Variants in TENM3 observed in about 807,000 individuals in gnomAD.
The protein encoded by TENM3 is teneurin-3.
A neutral mutation model predicts 255.1 loss-of-function variants in TENM3; 63 were observed. The observed-to-expected ratio is 0.25, with a 90% CI of 0.20 to 0.30. The LOEUF (loss-of-function observed/expected upper bound fraction) is 0.30. Among genes scored for constraint, TENM3 ranks in the 10% least tolerant of loss-of-function variants. TENM3 has a pLI of 1.00. For missense variants in TENM3, 2,929 were observed against 3,461.1 expected (o/e 0.85, Z 3.86); for synonymous variants, 1,306 against 1,322.3 (o/e 0.99, Z 0.27).
chr4:181,576,409 C>T, the TENM3 span, among the ~76,000 whole-genome samples: 1 of 152,142 alleles, frequency 6.6e-6, no homozygotes, highest in African/African-American at 2.4e-5. Flanking sequence ...TGTCTTTTTG[C>T]TCTAATGATT....
intron 16 of TENM3, among the ~76,000 whole-genome samples, chr4:182,731,596 A>C (rs1760712795): frequency 6.6e-6 from 1 of 151,938 alleles, no homozygotes; most frequent in Non-Finnish European, 1.5e-5. Flanking sequence ...ACCCTGTCTC[A>C]AAAAAAGACA....
chr4:182,365,610 A>G (rs1004512232), intron 3 of TENM3, among the ~76,000 whole-genome samples: 2 of 152,212 alleles, frequency 1.3e-5, no homozygotes, highest in Non-Finnish European at 2.9e-5. Flanking sequence ...AAGTTTCTGT[A>G]TCCTTATTGA....
At chr4:182,361,752 G>C (rs981264841) in intron 3 of TENM3, among the ~76,000 whole-genome samples, 2 of 151,102 alleles carry the variant, frequency 1.3e-5, no homozygotes, top group Non-Finnish European at 2.9e-5. Context: ...TTGTTCCATT[G>C]CTGGTGAGGA....
At chr4:181,974,584 AAAG>A in the TENM3 span, among the ~76,000 whole-genome samples, 1 of 152,088 alleles carries the variant, frequency 6.6e-6, no homozygotes, top group Admixed American at 6.5e-5. Flanking sequence ...ACAAACAAAA[AAAG>A]AATCAATGTG....
chr4:181,580,545 A>G, the TENM3 span, among the ~76,000 whole-genome samples: 1 of 152,204 alleles, frequency 6.6e-6, no homozygotes, highest in Non-Finnish European at 1.5e-5. Context: ...AACAGCTCAG[A>G]TAGCAGAAGT....
chr4:182,206,111 G>C (rs1246427124), intron 1 of TENM3, among the ~76,000 whole-genome samples: 2 of 151,674 alleles, frequency 1.3e-5, no homozygotes, highest in African/African-American at 4.8e-5. Flanking sequence ...GATTGCTTGA[G>C]TTGTTCACAT....
At chr4:181,623,924 A>C in the TENM3 span, among the ~76,000 whole-genome samples, 3 of 152,352 alleles carry the variant, frequency 2.0e-5, 1 homozygote, top group East Asian at 5.8e-4. Flanking sequence ...ATATAGTGAT[A>C]GAATACCTGT....
the TENM3 span, among the ~76,000 whole-genome samples, chr4:181,812,859 TC>T: frequency 1.3e-5 from 2 of 152,076 alleles, no homozygotes; most frequent in East Asian, 3.9e-4. Context: ...CAAGGAGAAG[TC>T]CTCTACTAGG....
the TENM3 span, among the ~76,000 whole-genome samples, chr4:181,943,598 A>G: frequency 1.3e-5 from 2 of 152,122 alleles, no homozygotes; most frequent in Non-Finnish European, 2.9e-5. Context: ...CACTTATTTA[A>G]TCTGTTTCTT....
the TENM3 span, among the ~76,000 whole-genome samples, chr4:182,118,271 T>C: frequency 0.098 from 14,852 of 152,058 alleles, 993 homozygotes; most frequent in South Asian, 0.15. Context: ...ATATACATTT[T>C]ATTTGCCTTT....
At chr4:182,177,247 A>G (rs1374307539) in intron 1 of TENM3, among the ~76,000 whole-genome samples, 1 of 152,212 alleles carries the variant, frequency 6.6e-6, no homozygotes, top group East Asian at 1.9e-4. Context: ...AGACCCAATG[A>G]TACATTTCAT....
At chr4:182,335,364 A>G (rs147405942) in intron 2 of TENM3, among the ~76,000 whole-genome samples, 27,076 of 136,854 alleles carry the variant, frequency 0.2, 1,898 homozygotes, top group East Asian at 0.32. Flanking sequence ...GCGCGGTGGC[A>G]GGCGCCTGTA....
chr4:181,808,545 A>G, the TENM3 span, among the ~76,000 whole-genome samples: 47 of 152,310 alleles, frequency 3.1e-4, no homozygotes, highest in African/African-American at 1.1e-3. Context: ...ATGTCTACCT[A>G]TCTATTTTGT....
chr4:182,086,714 G>C, the TENM3 span, among the ~76,000 whole-genome samples: 2 of 152,186 alleles, frequency 1.3e-5, no homozygotes, highest in Non-Finnish European at 2.9e-5. Context: ...GGTGGAATTA[G>C]GTAATAGTTG....
At chr4:182,746,080 G>T (rs1343910440) in intron 19 of TENM3, among the ~76,000 whole-genome samples, 1 of 152,150 alleles carries the variant, frequency 6.6e-6, no homozygotes, top group Non-Finnish European at 1.5e-5. Flanking sequence ...CACTTACCGT[G>T]TGTTAGGCAC....
chr4:182,078,076 C>CATAA, the TENM3 span, among the ~76,000 whole-genome samples: 4 of 152,074 alleles, frequency 2.6e-5, no homozygotes, highest in Admixed American at 6.6e-5. Flanking sequence ...AAAATAAATA[C>CATAA]ATAAATAAAT....
chr4:181,722,882 TGG>T, the TENM3 span, among the ~76,000 whole-genome samples: 5 of 152,188 alleles, frequency 3.3e-5, no homozygotes, highest in African/African-American at 1.2e-4. Context: ...AGGTGAGTCT[TGG>T]TAAGCACAGG....
At chr4:181,878,585 A>G in the TENM3 span, among the ~76,000 whole-genome samples, 7 of 152,138 alleles carry the variant, frequency 4.6e-5, no homozygotes, top group African/African-American at 1.7e-4. Flanking sequence ...ATACTCCCAA[A>G]GAAACTTTTT....
chr4:181,777,705 TA>T, the TENM3 span, among the ~76,000 whole-genome samples: 4 of 152,184 alleles, frequency 2.6e-5, no homozygotes, highest in Non-Finnish European at 5.9e-5. Context: ...TTCAACTTCT[TA>T]AAAATTGCTG....
Sources: allele counts gnomAD v4.1 joint callset (sites outside exome capture counted in the v4.1 genomes callset), GRCh38; gene constraint gnomAD v4.1.1; transcripts MANE v1.5; gene names NCBI Gene and HGNC (gene_info 2026-07-23, HGNC 2026-07-21).